The following ICE1 variants were observed in gnomAD, a reference collection of about 807,000 sequenced individuals.
ICE1 encodes interactor of little elongation complex ELL subunit 1, also known as little elongation complex subunit 1.
In ICE1, 64 loss-of-function variants were observed where a neutral mutation model predicts 192.7. The observed-to-expected ratio is 0.33, with a 90% CI of 0.27 to 0.41. ICE1 has a LOEUF of 0.41. ICE1 is among the 10% of genes least tolerant of loss of function. ICE1 has a pLI of 1.00. For missense variants in ICE1, 2,708 were observed against 2,696.0 expected (o/e 1.00, Z -0.10); for synonymous variants, 1,010 against 984.5 (o/e 1.03, Z -0.49).
chr5:5,435,415 A>G (rs1737840213), intron 1 of ICE1, among the ~76,000 whole-genome samples: 1 of 152,184 alleles, frequency 6.6e-6, no homozygotes, highest in Non-Finnish European at 1.5e-5. Flanking sequence ...AATTGAACAT[A>G]GTTTGGATAA....
intron 17 of ICE1, among the ~76,000 whole-genome samples, chr5:5,478,388 TA>T (rs1347879170): frequency 1.3e-5 from 2 of 152,078 alleles, no homozygotes; most frequent in Non-Finnish European, 2.9e-5. Flanking sequence ...AAATGCCTAG[TA>T]ATAAAACTTA....
At position 5,465,353 on chromosome 5, in the gene ICE1, A is replaced by G. The variant is rs1408040105; in HGVS notation, c.5892+127A>G. ...TTTACTTCAAGGATGAGAGTTATCC[A>G]TGTAAACATTACGACTATATTTCTA... On this transcript the variant is annotated intron_variant, in intron 13 of 18. Coordinates refer to ENST00000296564, the MANE Select transcript of ICE1 (RefSeq NM_015325.3). 4 of 640,306 alleles carry G rather than the reference A, an allele frequency of 6.2e-6. No individual in the cohort carries two copies. The African/African-American group carries it at 7.3e-5, about 12-fold the overall frequency. The allele number at this position is 640,306 out of a possible 1,614,324, so 39.7% of individuals were successfully genotyped here. A position where few individuals can be genotyped will look rare whatever the true frequency, so the allele number is the denominator to read the frequency against.
chr5:5,450,625 T>C (rs1054176180), intron 10 of ICE1, among the ~76,000 whole-genome samples: 2 of 152,128 alleles, frequency 1.3e-5, no homozygotes, highest in African/African-American at 4.8e-5. Flanking sequence ...TCTGACACCT[T>C]CGTAGGAAAT....
At chr5:5,475,713 C>CA (rs751314815) in intron 16 of ICE1, among the ~76,000 whole-genome samples, 2 of 152,214 alleles carry the variant, frequency 1.3e-5, no homozygotes, top group African/African-American at 2.4e-5. Context: ...GGATGCTCTT[C>CA]AGCTTCTCTG....
In ICE1 at chr5:5,463,384, A is replaced by G; in HGVS notation, c.4050A>G (p.Ser1350=). 1 of 1,613,872 alleles carries G rather than the reference A, an allele frequency of 6.2e-7. No homozygotes were observed. Among genetic ancestry groups the G allele is most frequent in the South Asian group, 1.1e-5 (1 of 91,026 alleles). The change falls in exon 13 of 19, where the codon TCA becomes TCG. Residue 1350 remains serine (S), a synonymous_variant. Coordinates refer to ENST00000296564, the MANE Select transcript of ICE1 (RefSeq NM_015325.3). The part of the protein sequence containing the change: ...ENPQSRPEAR[S]DAGRQTDGGE... ...CTCAGAGCAGACCAGAGGCCCGTTC[A>G]GATGCAGGCAGGCAAACCGATGGTG...
intron 1 of ICE1, among the ~76,000 whole-genome samples, chr5:5,435,673 G>GT (rs371635237): frequency 2.7e-4 from 16 of 59,266 alleles, no homozygotes; most frequent in African/African-American, 8.8e-4. Flanking sequence ...TTTTTTTTTT[G>GT]TTTTGTTTTT....
At chr5:5,489,035 C>A (rs951922159) in intron 18 of ICE1, 114 bp from the exon 19 acceptor site, 17 of 852,222 alleles carry the variant, frequency 2.0e-5, no homozygotes, top group Non-Finnish European at 3.0e-5. Flanking sequence ...ATTTAATTTT[C>A]ATTGCTGGCA....
intron 15 of ICE1, among the ~76,000 whole-genome samples, chr5:5,469,469 AAAGT>A (rs1471963615): frequency 2.0e-5 from 3 of 152,146 alleles, no homozygotes; most frequent in Admixed American, 6.5e-5. Flanking sequence ...TTGATATGTT[AAAGT>A]AAGTGTCTAG....
Position 5,490,013 on chromosome 5 carries a change from G to A in ICE1, c.*683G>A, listed in dbSNP as rs990779326. ...GACATGTAATGAGCAATTCACAGAT[G>A]AGCGCAGGCAGAGCTCTGTGTGCCG... On this transcript the variant is annotated 3_prime_UTR_variant, in exon 19 of 19. Transcript: ENST00000296564. 6.6e-6 allele frequency: 1 copy of A among 152,204 alleles called. No homozygotes were observed. Among genetic ancestry groups the A allele is most frequent in the Non-Finnish European group, 1.5e-5 (1 of 68,064 alleles). 9.4% of individuals were successfully genotyped at this position (152,204 alleles called of 1,614,324 possible). A position where few individuals can be genotyped will look rare whatever the true frequency, so the allele number is the denominator to read the frequency against.
intron 13 of ICE1, 78 bp downstream of exon 13, chr5:5,465,304 G>A (rs1331615443): frequency 4.0e-6 from 4 of 1,001,362 alleles, no homozygotes; most frequent in Non-Finnish European, 5.8e-6. Context: ...TCAGCAAAAT[G>A]TGTAGATGAC....
At chr5:5,468,466 C>G (rs1204769993) in intron 14 of ICE1, among the ~76,000 whole-genome samples, 1 of 152,158 alleles carries the variant, frequency 6.6e-6, no homozygotes, top group Non-Finnish European at 1.5e-5. Flanking sequence ...AAAGAATTGT[C>G]ATCTAGAATT....
At chr5:5,424,296 T>G (rs1354553221) in intron 1 of ICE1, among the ~76,000 whole-genome samples, 1 of 152,148 alleles carries the variant, frequency 6.6e-6, no homozygotes, top group East Asian at 1.9e-4. Flanking sequence ...GAAGGAAATG[T>G]GCTGCTTTTG....
rs1313808712 is a variant in ICE1, at chr5:5,485,458, A to G, written c.6521-1263A>G. On this transcript the variant is annotated intron_variant, in intron 17 of 18. Transcript: ENST00000296564. The stretch of plus-strand genomic sequence containing the variant: ...GAATATATGAAGAAAACCCATTCTC[A>G]TACAAATACACAGTTAATGGAGGGC... 4.6e-5 allele frequency among the ~76,000 whole-genome samples: 7 copies of G among 152,196 alleles called. No homozygotes were observed. The South Asian group carries it at 1.4e-3, about 31-fold the overall frequency.
At chr5:5,448,212 TTTA>T (rs557983203) in intron 10 of ICE1, among the ~76,000 whole-genome samples, 13 of 152,326 alleles carry the variant, frequency 8.5e-5, no homozygotes, top group African/African-American at 3.1e-4. Flanking sequence ...ATCAAATTAA[TTTA>T]TTAAATTTCC....
intron 15 of ICE1, among the ~76,000 whole-genome samples, chr5:5,471,854 A>G (rs530783213): frequency 4.1e-4 from 63 of 152,246 alleles, no homozygotes; most frequent in Non-Finnish European, 7.6e-4. Flanking sequence ...GGGTTCTTCA[A>G]GGTGGTTCCT....
rs200803474 is a variant in ICE1, at chr5:5,464,144, A to G, written c.4810A>G (p.Ile1604Val). Residue 1604 changes from isoleucine to valine, a missense_variant, in exon 13 of 19, where the codon ATT (isoleucine) becomes GTT (valine). By Grantham distance (29) the Ile-to-Val change is conservative. Around this residue, in one of 2 missense-constraint regions of ICE1, gnomAD observed 2,366 missense variants for 2,276.6 expected, o/e 1.04. Coordinates refer to ENST00000296564, the MANE Select transcript of ICE1 (RefSeq NM_015325.3). The surrounding 1 kb of genome is among the most constrained non-coding windows in gnomAD (Gnocchi z 4.0). ...AACTCAAAGAAGCCAAACTCAGACCATTTTAGCAAATGCTGATACATCCAC... is the reference window on the plus strand; with the variant it reads ...AACTCAAAGAAGCCAAACTCAGACCGTTTTAGCAAATGCTGATACATCCAC... The part of the protein sequence containing the change: ...TKTQRSQTQT[I>V]LANADTSTPT... The G allele has an allele frequency of 1.9e-5, 30 of 1,613,642 alleles. No individual in the cohort carries two copies. In the East Asian group the frequency reaches 6.2e-4, roughly 34 times the overall value.
In ICE1 at chr5:5,460,450, A is replaced by T; in HGVS notation, c.1116A>T (p.Gly372=). 6.4e-7 allele frequency: 1 copy of T among 1,573,706 alleles called. No homozygotes were observed. The highest frequency in any genetic ancestry group is 2.2e-5 in the East Asian group (1 of 44,466). The change falls in exon 13 of 19, where the codon GGA becomes GGT. Residue 372 remains glycine (G), a synonymous_variant. Transcript: ENST00000296564. ...TATTTTTTAAGGAAACCTACTTTGG[A>T]GAATACACAGATTCCAGCGATAATG... ...PSSFAPETYF[G]EYTDSSDNDS... is the part of the protein sequence containing the mutation.
chr5:5,476,748 C>T (rs975436771), intron 17 of ICE1, among the ~76,000 whole-genome samples: 1 of 152,146 alleles, frequency 6.6e-6, no homozygotes, highest in African/African-American at 2.4e-5. Flanking sequence ...GATCCAGACA[C>T]CTCCCACCAG....
intron 1 of ICE1, 81 bp from the exon 2 acceptor site, chr5:5,436,337 G>A (rs182235100): frequency 1.8e-3 from 1,503 of 822,942 alleles, no homozygotes; most frequent in Non-Finnish European, 2.4e-3. Flanking sequence ...AAAATTCTTA[G>A]ATATGATAAA....
Sources: gnomAD v4.1 joint callset for allele counts (sites outside exome capture counted in the v4.1 genomes callset) on GRCh38, gnomAD v4.1.1 for gene constraint, gnomAD v4.1.1 regional missense constraint, Gnocchi (gnomAD v3.1) non-coding constraint, MANE v1.5 for transcripts, NCBI Gene and HGNC (gene_info 2026-07-23, HGNC 2026-07-21) for gene names.